Variants in FAM174A observed in about 807,000 individuals in gnomAD.
FAM174A encodes the protein family with sequence similarity 174 member A.
In FAM174A, 14 loss-of-function variants were observed where a neutral mutation model predicts 14.3. That is an observed-to-expected ratio of 0.98 (90% CI 0.65 to 1.53). The LOEUF (loss-of-function observed/expected upper bound fraction) is 1.53. Among genes scored for constraint, FAM174A ranks in the 40% most tolerant of loss-of-function variants. The pLI is 0.00. For missense variants in FAM174A, 241 were observed against 249.6 expected (o/e 0.97, Z 0.23); for synonymous variants, 108 against 111.4 (o/e 0.97, Z 0.19).
At chr5:100,566,452 G>A (rs191210138) in intron 2 of FAM174A, among the ~76,000 whole-genome samples, 63 of 151,568 alleles carry the variant, frequency 4.2e-4, no homozygotes, top group African/African-American at 1.4e-3. Flanking sequence ...TTTTAGTTAT[G>A]CAAAATGAGT....
At chr5:100,543,163 T>A (rs1746095903) in intron 1 of FAM174A, among the ~76,000 whole-genome samples, 1 of 152,150 alleles carries the variant, frequency 6.6e-6, no homozygotes, top group Non-Finnish European at 1.5e-5. Flanking sequence ...TTTCTTTTAT[T>A]TATTTAGAGA....
chr5:100,549,213 G>T (rs987185822), intron 1 of FAM174A, among the ~76,000 whole-genome samples: 3 of 151,988 alleles, frequency 2.0e-5, no homozygotes, highest in African/African-American at 7.2e-5. Context: ...GAATCTTGGG[G>T]GTACTGAACT....
intron 1 of FAM174A, among the ~76,000 whole-genome samples, chr5:100,554,168 A>G (rs548055197): frequency 6.6e-6 from 1 of 152,254 alleles, no homozygotes; most frequent in East Asian, 1.9e-4. Context: ...TATAACTTTC[A>G]ATATCCTTAA....
rs1462511736 is a variant in FAM174A, at chr5:100,544,063, TAAG to T, written c.434+8102_434+8104del. ...TTTCTGAATTAATATCAAAAGGAAA[TAAG>T]AAATAATGTATCAGGCTGGGCATGG... On this transcript the variant is annotated intron_variant, in intron 1 of 2. Coordinates refer to ENST00000312637, the MANE Select transcript of FAM174A (RefSeq NM_198507.3). Among the ~76,000 whole-genome samples, 5 of 152,012 alleles carry T rather than the reference TAAG, an allele frequency of 3.3e-5. No homozygotes were observed. The East Asian group carries it at 9.6e-4, about 29-fold the overall frequency.
chr5:100,574,485 G>T (rs1746861181), intron 2 of FAM174A, among the ~76,000 whole-genome samples: 1 of 152,124 alleles, frequency 6.6e-6, no homozygotes, highest in African/African-American at 2.4e-5. Flanking sequence ...ACTGCACCGG[G>T]CCTCAAACTT....
At chr5:100,568,816 A>G (rs1420208105) in intron 2 of FAM174A, among the ~76,000 whole-genome samples, 1 of 151,914 alleles carries the variant, frequency 6.6e-6, no homozygotes, top group Non-Finnish European at 1.5e-5. Flanking sequence ...TACTGTGTTC[A>G]TAAATAATTT....
chr5:100,578,933 G>A (rs1051828862), intron 2 of FAM174A, among the ~76,000 whole-genome samples: 1 of 150,742 alleles, frequency 6.6e-6, no homozygotes, highest in Non-Finnish European at 1.5e-5. Flanking sequence ...AGCCCAATGT[G>A]CTGCATACCT....
Position 100,535,799 on chromosome 5 carries a change from G to C in FAM174A, c.269G>C (p.Gly90Ala). Residue 90 changes from glycine (G) to alanine (A), a missense_variant, in exon 1 of 3, where the codon GGG becomes GCG. Physicochemically the swap from Gly to Ala is moderately conservative, Grantham distance 60 (BLOSUM62 0). Transcript: ENST00000312637. ...GGCAATGGCAGCAACCCTGTGGCCG[G>C]GCTTGAGACGGACGATCACGGAGGG... ...EGGNGSNPVA[G>A]LETDDHGGKA... The C allele has an allele frequency of 6.2e-7, 1 of 1,608,990 alleles. No individual in the cohort carries two copies. The highest frequency in any genetic ancestry group is 8.5e-7 in the Non-Finnish European group (1 of 1,179,544).
chr5:100,586,099 C>A, intron 2 of FAM174A, 82 bp from the exon 3 acceptor site: 1 of 712,982 alleles, frequency 1.4e-6, no homozygotes, highest in South Asian at 2.3e-5. Context: ...TCCTTCCCCT[C>A]CAAATCTTTC....
rs141092060 is a variant in FAM174A, at chr5:100,578,071, G to A, written c.570-8110G>A. 5.3e-5 allele frequency among the ~76,000 whole-genome samples: 8 copies of A among 152,166 alleles called. No individual in the cohort carries two copies. In the East Asian group the frequency reaches 1.4e-3, roughly 26 times the overall value. ...TTATTTTATAGTCTGTTTGTTTGTAGAAGAAATAGGAATCCATTGCTATAA... is the reference window on the plus strand; with the variant it reads ...TTATTTTATAGTCTGTTTGTTTGTAAAAGAAATAGGAATCCATTGCTATAA... On this transcript the variant is annotated intron_variant, in intron 2 of 2. Transcript: ENST00000312637.
rs751603238 is a variant in FAM174A, at chr5:100,535,601, C to G, written c.71C>G (p.Pro24Arg). 6.2e-7 allele frequency: 1 copy of G among 1,613,312 alleles called. No individual in the cohort carries two copies. Among genetic ancestry groups the G allele is most frequent in the South Asian group, 1.1e-5 (1 of 91,084 alleles). Residue 24 changes from proline (P) to arginine (R), a missense_variant, in exon 1 of 3, where the codon CCT (proline) becomes CGT (arginine). By Grantham distance (103) the Pro-to-Arg change is moderately radical. Transcript: ENST00000312637. Reference protein sequence around the residue: ...LASVLLLLLLPELSGPLAVLL... With the variant: ...LASVLLLLLLRELSGPLAVLL... ...TCCGTCCTCCTCCTGCTGTTGCTGC[C>G]TGAACTAAGCGGGCCCCTGGCAGTC... is the stretch of plus-strand genomic sequence containing the variant.
chr5:100,578,045 A>G (rs1746936571), intron 2 of FAM174A, among the ~76,000 whole-genome samples: 2 of 152,038 alleles, frequency 1.3e-5, no homozygotes, highest in Non-Finnish European at 2.9e-5. Context: ...TTGGTTGTTT[A>G]TTATTTTATA....
Position 100,535,496 on chromosome 5 carries a change from C to A in FAM174A, c.-35C>A, listed in dbSNP as rs761710739. 5.6e-6 allele frequency: 9 copies of A among 1,601,948 alleles called. No individual in the cohort carries two copies. The highest frequency in any genetic ancestry group is 6.8e-6 in the Non-Finnish European group (8 of 1,173,690). On this transcript the variant is annotated 5_prime_UTR_variant, in exon 1 of 3. Coordinates refer to ENST00000312637, the MANE Select transcript of FAM174A (RefSeq NM_198507.3). ...CTTGGAGCCAGCGTGGCGGGCCTGG[C>A]GGCTCCCGGGTGGTGAGAGAGCGGT...
intron 2 of FAM174A, among the ~76,000 whole-genome samples, chr5:100,564,729 A>G (rs892260355): frequency 6.6e-6 from 1 of 151,846 alleles, no homozygotes; most frequent in African/African-American, 2.4e-5. Flanking sequence ...TAAAGAAGAC[A>G]TGAGACTACT....
chr5:100,567,434 G>A (rs1246235321), intron 2 of FAM174A, among the ~76,000 whole-genome samples: 1 of 151,672 alleles, frequency 6.6e-6, no homozygotes, highest in African/African-American at 2.4e-5. Flanking sequence ...GAGTTAGAGA[G>A]GTTAACAGTT....
At chr5:100,564,346 A>T (rs887306379) in intron 2 of FAM174A, among the ~76,000 whole-genome samples, 1 of 151,752 alleles carries the variant, frequency 6.6e-6, no homozygotes, top group African/African-American at 2.4e-5. Flanking sequence ...CAAAAAAAAA[A>T]TGGCATAACA....
chr5:100,569,606 ATAATG>A (rs1466477285), intron 2 of FAM174A, among the ~76,000 whole-genome samples: 1 of 151,858 alleles, frequency 6.6e-6, no homozygotes. Flanking sequence ...TATGGGTCAG[ATAATG>A]TGAAATCAGT....
At chr5:100,559,618 C>CCCATATT (rs1248221894) in intron 1 of FAM174A, among the ~76,000 whole-genome samples, 9 of 152,108 alleles carry the variant, frequency 5.9e-5, no homozygotes, top group Non-Finnish European at 1.0e-4. Flanking sequence ...TTCACATAGT[C>CCCATATT]CCATATTTCT....
chr5:100,561,814 T>C (rs1233934760), intron 1 of FAM174A, among the ~76,000 whole-genome samples: 1 of 151,812 alleles, frequency 6.6e-6, no homozygotes, highest in African/African-American at 2.4e-5. Context: ...ACACCATCAG[T>C]TGACACAGAG....
Sources: gnomAD v4.1 joint callset for allele counts (sites outside exome capture counted in the v4.1 genomes callset) on GRCh38, gnomAD v4.1.1 for gene constraint, MANE v1.5 for transcripts, NCBI Gene and HGNC (gene_info 2026-07-23, HGNC 2026-07-21) for gene names.